Variants in CADPS2 observed in about 807,000 individuals in gnomAD.
CADPS2 encodes the protein calcium dependent secretion activator 2.
In CADPS2, 93 loss-of-function variants were observed where a neutral mutation model predicts 172.5. The observed-to-expected ratio is 0.54, with a 90% CI of 0.46 to 0.64. The LOEUF (loss-of-function observed/expected upper bound fraction) is 0.64, where lower values mean the gene tolerates loss of function less well. Ranked by LOEUF, CADPS2 falls within the 30% of genes least tolerant of loss-of-function variation. The pLI is 0.00. For synonymous variants in CADPS2, 546 were observed against 555.2 expected (o/e 0.98, Z 0.23); for missense variants, 1,420 against 1,565.9 (o/e 0.91, Z 1.57).
At chr7:122,533,089 C>T (rs75491071) in intron 8 of CADPS2, among the ~76,000 whole-genome samples, 2 of 152,000 alleles carry the variant, frequency 1.3e-5, no homozygotes, top group African/African-American at 4.8e-5. Flanking sequence ...GCTAAGTAAC[C>T]CTCAAATCTC....
chr7:122,718,970 T>C (rs2090031759), intron 2 of CADPS2, among the ~76,000 whole-genome samples: 1 of 152,122 alleles, frequency 6.6e-6, no homozygotes, highest in South Asian at 2.1e-4. Flanking sequence ...CCTACTGTTT[T>C]GATAATAAAA....
chr7:122,702,397 C>T (rs1564109090), intron 2 of CADPS2: 2 of 1,613,780 alleles, frequency 1.2e-6, no homozygotes, highest in Non-Finnish European at 1.7e-6. Context: ...TCTCTGCTGC[C>T]ACGTTGATTT....
At chr7:122,839,749 A>G (rs1809815889) in intron 1 of CADPS2, among the ~76,000 whole-genome samples, 1 of 152,246 alleles carries the variant, frequency 6.6e-6, no homozygotes, top group South Asian at 2.1e-4. Context: ...CACACCAGTT[A>G]GAATGGCAAT....
At chr7:122,440,651 G>T (rs950816339) in intron 16 of CADPS2, among the ~76,000 whole-genome samples, 2 of 152,038 alleles carry the variant, frequency 1.3e-5, no homozygotes, top group Non-Finnish European at 2.9e-5. Flanking sequence ...TTCTCTCTTT[G>T]CTTTTTAATA....
At chr7:122,584,565 T>C (rs1381364694) in intron 6 of CADPS2, among the ~76,000 whole-genome samples, 1 of 151,970 alleles carries the variant, frequency 6.6e-6, no homozygotes, top group African/African-American at 2.4e-5. Flanking sequence ...TTTTATTTTA[T>C]TGCATTCTGC....
intron 8 of CADPS2, among the ~76,000 whole-genome samples, chr7:122,550,670 T>TAA (rs1312137034): frequency 9.2e-5 from 14 of 152,286 alleles, no homozygotes; most frequent in African/African-American, 3.4e-4. Context: ...CAGGAATAGT[T>TAA]ATTTGAGTTT....
intron 12 of CADPS2, among the ~76,000 whole-genome samples, chr7:122,480,458 G>A (rs902984850): frequency 1.3e-5 from 2 of 152,082 alleles, no homozygotes; most frequent in Admixed American, 6.6e-5. Context: ...TAGTGCCTCC[G>A]ATAAAACATA....
At position 122,432,801 on chromosome 7, in the gene CADPS2, A is replaced by G. The variant is rs143180532; in HGVS notation, c.2476+5540T>C. 1.4e-3 allele frequency among the ~76,000 whole-genome samples: 213 copies of G among 152,076 alleles called. 2 individuals are homozygous for G. Among genetic ancestry groups the G allele is most frequent in the East Asian group, 0.013 (66 of 5,160 alleles). On this transcript the variant is annotated intron_variant, in intron 17 of 29. Transcript: ENST00000449022. ...ATTGGAATGCTCAAGAGACTACAAG[A>G]GACTACAGTGTCAAAGTATTATCAA...
At chr7:122,589,350 T>A (rs2070347459) in intron 6 of CADPS2, among the ~76,000 whole-genome samples, 1 of 151,894 alleles carries the variant, frequency 6.6e-6, no homozygotes, top group Non-Finnish European at 1.5e-5. Context: ...GGAAATTAAA[T>A]AATAAAACAC....
At chr7:122,456,845 T>C (rs557383837) in intron 14 of CADPS2, among the ~76,000 whole-genome samples, 2 of 152,310 alleles carry the variant, frequency 1.3e-5, no homozygotes, top group South Asian at 4.1e-4. Context: ...GGCCTCTATA[T>C]ACATATTTTC....
intron 9 of CADPS2, among the ~76,000 whole-genome samples, chr7:122,499,749 C>T (rs1480866472): frequency 6.6e-6 from 1 of 152,082 alleles, no homozygotes; most frequent in Non-Finnish European, 1.5e-5. Context: ...TCTTATGTAT[C>T]CTTAAGTTAT....
At chr7:122,677,226 T>A (rs892618354) in intron 2 of CADPS2, among the ~76,000 whole-genome samples, 2 of 152,226 alleles carry the variant, frequency 1.3e-5, no homozygotes, top group African/African-American at 4.8e-5. Context: ...TCTGGTGCTA[T>A]AAGTTTGTAA....
In CADPS2 at chr7:122,725,554, C is replaced by T. The variant is rs371998760; in HGVS notation, c.453+11401G>A. Among the ~76,000 whole-genome samples, 4 of 115,868 alleles carry T rather than the reference C, an allele frequency of 3.5e-5. No homozygotes were observed. The Admixed American group carries it at 3.6e-4, about 11-fold the overall frequency. 76.0% of individuals were successfully genotyped at this position (115,868 alleles called of 152,430 possible). A position where few individuals can be genotyped will look rare whatever the true frequency, so the allele number is the denominator to read the frequency against. ...ATTTCATCCCTCACTTCCCTCCCCCCACCCTCTCATTTTGAGAAATGCAAA... is the reference window on the plus strand; with the variant it reads ...ATTTCATCCCTCACTTCCCTCCCCCTACCCTCTCATTTTGAGAAATGCAAA... On this transcript the variant is annotated intron_variant, in intron 2 of 29. Transcript: ENST00000449022.
At chr7:122,532,245 C>G (rs1030610670) in intron 8 of CADPS2, among the ~76,000 whole-genome samples, 5 of 152,094 alleles carry the variant, frequency 3.3e-5, no homozygotes, top group Admixed American at 6.6e-5. Context: ...ACTACTCTGA[C>G]TTATATGGAC....
intron 25 of CADPS2, among the ~76,000 whole-genome samples, chr7:122,361,287 G>A (rs1170727609): frequency 1.4e-5 from 2 of 144,088 alleles, no homozygotes; most frequent in Admixed American, 7.1e-5. Context: ...AGGCTGGAGT[G>A]CAGTGGCGTG....
intron 14 of CADPS2, among the ~76,000 whole-genome samples, chr7:122,456,270 G>A (rs577026786): frequency 8.6e-5 from 13 of 151,912 alleles, no homozygotes; most frequent in Non-Finnish European, 1.0e-4. Context: ...TTAAAATGTG[G>A]TTATTTAAAA....
intron 1 of CADPS2, among the ~76,000 whole-genome samples, chr7:122,856,525 T>C (rs925821844): frequency 6.6e-6 from 1 of 152,190 alleles, no homozygotes; most frequent in African/African-American, 2.4e-5. Context: ...CTGCCACTAA[T>C]CTTCCTGGAA....
chr7:122,843,981 G>A (rs1584863934), intron 1 of CADPS2, among the ~76,000 whole-genome samples: 1 of 152,184 alleles, frequency 6.6e-6, no homozygotes, highest in African/African-American at 2.4e-5. Flanking sequence ...AAGGAAACTG[G>A]GATAACCAGC....
intron 1 of CADPS2, among the ~76,000 whole-genome samples, chr7:122,823,348 A>C (rs2140417826): frequency 6.6e-6 from 1 of 152,274 alleles, no homozygotes; most frequent in East Asian, 1.9e-4. Context: ...TATCTCCTAA[A>C]TGTAAGATAT....
Sources: allele counts gnomAD v4.1 joint callset (sites outside exome capture counted in the v4.1 genomes callset), GRCh38; gene constraint gnomAD v4.1.1; transcripts MANE v1.5; gene names NCBI Gene and HGNC (gene_info 2026-07-23, HGNC 2026-07-21).